PPP3CB: variants seen among roughly 807,000 people sequenced by gnomAD.
The protein encoded by PPP3CB is serine/threonine-protein phosphatase 2B catalytic subunit beta isoform.
Under a neutral mutation model 66.4 loss-of-function variants are expected in PPP3CB, and 8 were observed. That is an observed-to-expected ratio of 0.12 (90% confidence interval 0.07 to 0.22). The LOEUF (loss-of-function observed/expected upper bound fraction) is 0.22, where lower values mean the gene tolerates loss of function less well. Among genes scored for constraint, PPP3CB ranks in the 10% least tolerant of loss-of-function variants. PPP3CB has a pLI of 1.00. For missense variants in PPP3CB, 319 were observed against 642.5 expected (o/e 0.50, Z 5.44); for synonymous variants, 208 against 221.2 (o/e 0.94, Z 0.53).
intron 9 of PPP3CB, among the ~76,000 whole-genome samples, chr10:73,457,260 G>GAAAAAAAAAAAAA (rs35129439): frequency 3.8e-4 from 26 of 69,022 alleles, no homozygotes; most frequent in Non-Finnish European, 5.0e-4. Flanking sequence ...CTCTAAAAAA[G>GAAAAAAAAAAAAA]AAAAAAAAAA....
intron 12 of PPP3CB, 56 bp from the exon 13 acceptor site, chr10:73,439,957 T>C: frequency 6.6e-7 from 1 of 1,523,172 alleles, no homozygotes; most frequent in South Asian, 1.1e-5. Flanking sequence ...AGAAGGGTCA[T>C]ATTGTACAGC....
chr10:73,443,250 A>AAG (rs60288220), intron 12 of PPP3CB, among the ~76,000 whole-genome samples: 48 of 136,210 alleles, frequency 3.5e-4, no homozygotes, highest in African/African-American at 1.1e-3. Context: ...GAGAGAGAGA[A>AAG]AGAGAGAGAG....
intron 11 of PPP3CB, among the ~76,000 whole-genome samples, chr10:73,445,180 T>C (rs1161726957): frequency 6.6e-6 from 1 of 152,218 alleles, no homozygotes; most frequent in Non-Finnish European, 1.5e-5. Flanking sequence ...TATTCATTTG[T>C]ACCCTTTAAC....
chr10:73,493,393 G>A (rs1015905303), intron 1 of PPP3CB, among the ~76,000 whole-genome samples: 1 of 152,116 alleles, frequency 6.6e-6, no homozygotes, highest in African/African-American at 2.4e-5. Context: ...CCACATTGTG[G>A]ACTTAAAAGA....
chr10:73,495,090 G>A (rs1228508485), intron 1 of PPP3CB, among the ~76,000 whole-genome samples: 2 of 152,214 alleles, frequency 1.3e-5, no homozygotes, highest in African/African-American at 2.4e-5. Flanking sequence ...TGTTTGTAAG[G>A]GAGGGGTAAC....
At chr10:73,465,757 A>C (rs2056609218) in intron 9 of PPP3CB, among the ~76,000 whole-genome samples, 1 of 152,204 alleles carries the variant, frequency 6.6e-6, no homozygotes, top group African/African-American at 2.4e-5. Flanking sequence ...ACACCAAAAG[A>C]AAATGCTCAT....
At chr10:73,485,883 G>C (rs1047370035) in intron 1 of PPP3CB, among the ~76,000 whole-genome samples, 30 of 146,936 alleles carry the variant, frequency 2.0e-4, no homozygotes, top group African/African-American at 7.5e-4. Context: ...TGAGACTACA[G>C]GCACACACCA....
At chr10:73,454,115 TC>T (rs773973420) in intron 10 of PPP3CB, among the ~76,000 whole-genome samples, 10 of 152,204 alleles carry the variant, frequency 6.6e-5, no homozygotes, top group Non-Finnish European at 1.5e-4. Context: ...CTAACCAGTG[TC>T]CATATTTGCC....
chr10:73,491,828 G>A (rs933839264), intron 1 of PPP3CB, among the ~76,000 whole-genome samples: 1 of 152,068 alleles, frequency 6.6e-6, no homozygotes, highest in East Asian at 1.9e-4. Flanking sequence ...TTAGCCGGGC[G>A]TGGTGGCACA....
chr10:73,445,541 G>A (rs1456365883), intron 11 of PPP3CB, among the ~76,000 whole-genome samples: 1 of 150,302 alleles, frequency 6.7e-6, no homozygotes, highest in African/African-American at 2.5e-5. Flanking sequence ...ACTTCCTGGG[G>A]CTCAGGTGAT....
chr10:73,484,977 T>C (rs1204123532), intron 1 of PPP3CB, among the ~76,000 whole-genome samples: 2 of 151,794 alleles, frequency 1.3e-5, no homozygotes, highest in Non-Finnish European at 2.9e-5. Flanking sequence ...TGCTTGAACC[T>C]GGGGGGCAGA....
chr10:73,487,180 G>A (rs1025631425), intron 1 of PPP3CB, among the ~76,000 whole-genome samples: 5 of 151,916 alleles, frequency 3.3e-5, no homozygotes, highest in African/African-American at 1.2e-4. Context: ...AAGAAAACTA[G>A]TCATCATAGG....
chr10:73,494,357 G>A (rs2057134932), intron 1 of PPP3CB, among the ~76,000 whole-genome samples: 1 of 152,046 alleles, frequency 6.6e-6, no homozygotes, highest in African/African-American at 2.4e-5. Context: ...CGCAAATCTC[G>A]GCTCACTGCA....
In PPP3CB at chr10:73,444,706, A is replaced by G. The variant is rs767474724; in HGVS notation, c.1366+19T>C. ...GCCCCAGTCCATCTGAGGCACAGCA[A>G]GTTGCATAACATCATTACCACTTTG... On this transcript the variant is annotated intron_variant, in intron 12 of 13. Transcript: ENST00000360663. 1.1e-5 allele frequency: 18 copies of G among 1,614,032 alleles called. No homozygotes were observed. In the Admixed American group the frequency reaches 1.7e-4, roughly 15 times the overall value.
At position 73,438,138 on chromosome 10, in the gene PPP3CB, A is replaced by T; in HGVS notation, c.*104T>A. ...GTCTCAGAAGCACAATGGTTTCTTC[A>T]GAGAGACTGTGAAATTTACAGTCAG... On this transcript the variant is annotated 3_prime_UTR_variant, in exon 14 of 14. Coordinates refer to ENST00000360663, the MANE Select transcript of PPP3CB (RefSeq NM_021132.4). The T allele has an allele frequency of 8.6e-7, 1 of 1,163,806 alleles. No individual in the cohort carries two copies. The highest frequency in any genetic ancestry group is 1.2e-6 in the Non-Finnish European group (1 of 824,814). 72.1% of individuals were successfully genotyped at this position (1,163,806 alleles called of 1,614,324 possible).
In PPP3CB at chr10:73,470,920, G is replaced by A; in HGVS notation, c.854C>T (p.Ser285Leu). 2 of 1,613,282 alleles carry A rather than the reference G, an allele frequency of 1.2e-6. No individual in the cohort carries two copies. The highest frequency in any genetic ancestry group is 1.7e-6 in the Non-Finnish European group (2 of 1,179,606). Residue 285 changes from serine to leucine, a missense_variant, in exon 7 of 14, where the codon TCG (serine) becomes TTG (leucine). This residue lies in a region of PPP3CB where 120 missense variants were observed against 331.2 expected (regional missense o/e 0.36). Coordinates refer to ENST00000360663, the MANE Select transcript of PPP3CB (RefSeq NM_021132.4). ...TTGAGCTTCATGAGCTCTAATAATCGATAACAAATTATTGTTTTGCAAAAA... is the reference window on the plus strand; with the variant it reads ...TTGAGCTTCATGAGCTCTAATAATCAATAACAAATTATTGTTTTGCAAAAA... Reference protein sequence around the residue: ...CEFLQNNNLLSIIRAHEAQDA... With the variant: ...CEFLQNNNLLLIIRAHEAQDA...
rs112175068 is a variant in PPP3CB, at chr10:73,446,745, G to T, written c.1187-172C>A. On this transcript the variant is annotated intron_variant, in intron 10 of 13. Transcript: ENST00000360663. The stretch of plus-strand genomic sequence containing the variant: ...CTAAAAAATGTCTTGCTCTCTCAAT[G>T]TTTAGCTCAGCATTGGTCTAATACT... 9.3e-4 allele frequency among the ~76,000 whole-genome samples: 141 copies of T among 152,238 alleles called. 1 individual carries two copies. The highest frequency in any genetic ancestry group is 3.3e-3 in the African/African-American group (137 of 41,536).
chr10:73,464,858 G>A (rs534006290), intron 9 of PPP3CB, among the ~76,000 whole-genome samples: 4 of 151,898 alleles, frequency 2.6e-5, no homozygotes, highest in Non-Finnish European at 4.4e-5. Flanking sequence ...TTAAACCCGG[G>A]GGATGGACGT....
intron 8 of PPP3CB, among the ~76,000 whole-genome samples, chr10:73,469,878 A>C (rs551733126): frequency 3.4e-4 from 52 of 152,312 alleles, no homozygotes; most frequent in African/African-American, 1.0e-3. Context: ...TGGCATAGTC[A>C]ACTGAATTCC....
Sources: allele counts gnomAD v4.1 joint callset (sites outside exome capture counted in the v4.1 genomes callset), GRCh38; gene constraint gnomAD v4.1.1; regional missense constraint gnomAD v4.1.1; transcripts MANE v1.5; gene names NCBI Gene and HGNC (gene_info 2026-07-23, HGNC 2026-07-21).